The following STXBP5 variants were observed in gnomAD, a reference collection of about 807,000 sequenced individuals.
STXBP5 encodes the protein syntaxin binding protein 5.
A neutral mutation model predicts 152.4 loss-of-function variants in STXBP5; 50 were observed. The observed-to-expected ratio is 0.33, with a 90% CI of 0.26 to 0.42. The LOEUF is 0.42. STXBP5 is among the 10% of genes least tolerant of loss of function. STXBP5 has a pLI of 1.00. For synonymous variants in STXBP5, 492 were observed against 494.7 expected (o/e 0.99, Z 0.07); for missense variants, 1,167 against 1,388.6 (o/e 0.84, Z 2.54).
chr6:147,360,914 A>G (rs986148215), intron 23 of STXBP5, among the ~76,000 whole-genome samples: 2 of 152,074 alleles, frequency 1.3e-5, no homozygotes, highest in African/African-American at 4.8e-5. Context: ...CAGTTTTTGG[A>G]ATTTAGAAGT....
At chr6:147,216,779 C>A (rs577670044) in intron 2 of STXBP5, among the ~76,000 whole-genome samples, 1 of 151,850 alleles carries the variant, frequency 6.6e-6, no homozygotes, top group African/African-American at 2.4e-5. Context: ...GAGCATTCAC[C>A]CAGAAAGGTT....
intron 7 of STXBP5, among the ~76,000 whole-genome samples, chr6:147,277,087 G>C (rs1392612146): frequency 6.6e-6 from 1 of 151,994 alleles, no homozygotes; most frequent in Non-Finnish European, 1.5e-5. Context: ...TCTGTACTTT[G>C]AATAAAAAAC....
intron 21 of STXBP5, among the ~76,000 whole-genome samples, chr6:147,349,839 G>C (rs1237637420): frequency 3.3e-5 from 5 of 152,100 alleles, no homozygotes; most frequent in Non-Finnish European, 7.4e-5. Flanking sequence ...CTCATGGAAG[G>C]CCTTAACTCT....
At chr6:147,242,528 C>A (rs185720205) in intron 4 of STXBP5, among the ~76,000 whole-genome samples, 16 of 152,300 alleles carry the variant, frequency 1.1e-4, no homozygotes, top group South Asian at 4.1e-4. Flanking sequence ...AAGCTCCGTT[C>A]ATGATAACTG....
rs1496032 is a variant in STXBP5 at position 147,350,611 on chromosome 6, A to G, written c.2255-2712A>G. 0.016 allele frequency among the ~76,000 whole-genome samples: 2,485 copies of G among 152,202 alleles called. 225 individuals carry two copies. The East Asian group carries it at 0.29, about 18-fold the overall frequency. On this transcript the variant is annotated intron_variant, in intron 21 of 27. Coordinates refer to ENST00000321680, the MANE Select transcript of STXBP5 (RefSeq NM_001127715.4). ...ATTATAGTGGTGCATTGCATTCTAT[A>G]CTTTTGTGCTAAATTTTTTTTATGG...
Position 147,312,572 on chromosome 6 carries a change from A to T in STXBP5, c.1145+1045A>T, listed in dbSNP as rs762527635. Among the ~76,000 whole-genome samples, 28 of 152,084 alleles carry T rather than the reference A, an allele frequency of 1.8e-4. 1 individual carries two copies. Among genetic ancestry groups the T allele is most frequent in the Non-Finnish European group, 2.4e-4 (16 of 68,010 alleles). On this transcript the variant is annotated intron_variant, in intron 11 of 27. Coordinates refer to ENST00000321680, the MANE Select transcript of STXBP5 (RefSeq NM_001127715.4). ...GACTGGCATCTAGTGGGTAGAAGAC[A>T]GAGATGCTGCAAAACATCCACAGTG...
intron 26 of STXBP5, among the ~76,000 whole-genome samples, chr6:147,376,950 A>G (rs531708571): frequency 1.2e-4 from 19 of 152,322 alleles, no homozygotes; most frequent in African/African-American, 4.6e-4. Context: ...GTATAACTAT[A>G]TTAATATAAG....
chr6:147,312,353 G>A (rs552192160), intron 11 of STXBP5, among the ~76,000 whole-genome samples: 4 of 152,288 alleles, frequency 2.6e-5, no homozygotes, highest in Non-Finnish European at 4.4e-5. Flanking sequence ...TTGAATGGAA[G>A]CACATTGTAT....
At chr6:147,340,457 CTT>C (rs888161247) in intron 21 of STXBP5, among the ~76,000 whole-genome samples, 51 of 152,054 alleles carry the variant, frequency 3.4e-4, no homozygotes, top group African/African-American at 1.2e-3. Context: ...TTTAGTGACT[CTT>C]TTGGTAATAG....
intron 9 of STXBP5, among the ~76,000 whole-genome samples, chr6:147,305,460 G>A (rs1013280185): frequency 6.6e-6 from 1 of 151,924 alleles, no homozygotes; most frequent in Non-Finnish European, 1.5e-5. Context: ...AAAAAACTTA[G>A]TAGAAAAAGA....
At chr6:147,350,020 C>A (rs1328425615) in intron 21 of STXBP5, among the ~76,000 whole-genome samples, 1 of 152,050 alleles carries the variant, frequency 6.6e-6, no homozygotes, top group Non-Finnish European at 1.5e-5. Flanking sequence ...TTGCGGATAT[C>A]CACTTGCAAA....
chr6:147,248,783 A>G (rs1468245933), intron 4 of STXBP5, among the ~76,000 whole-genome samples: 1 of 152,196 alleles, frequency 6.6e-6, no homozygotes, highest in Non-Finnish European at 1.5e-5. Context: ...TGCCAGATGT[A>G]TTTCAGTTCC....
chr6:147,383,264 A>G (rs375441973), intron 27 of STXBP5, among the ~76,000 whole-genome samples: 2 of 152,122 alleles, frequency 1.3e-5, no homozygotes, highest in South Asian at 2.1e-4. Flanking sequence ...CAGCTTTGCA[A>G]CTGTTTCTTA....
chr6:147,302,255 A>G (rs1781858966), intron 9 of STXBP5, among the ~76,000 whole-genome samples: 1 of 152,082 alleles, frequency 6.6e-6, no homozygotes, highest in African/African-American at 2.4e-5. Flanking sequence ...AACTCCCAAC[A>G]CTGGTATTTT....
chr6:147,337,192 G>GACACACACACACACACACACACACACAC (rs61074711), intron 19 of STXBP5, among the ~76,000 whole-genome samples: 15 of 53,884 alleles, frequency 2.8e-4, no homozygotes, highest in African/African-American at 7.4e-4. Context: ...CACATACATA[G>GACACACACACACACACACACACACACAC]ACACACACAC....
rs746200697 is a variant in STXBP5, at chr6:147,382,844, T to C, written c.3260T>C (p.Ile1087Thr). ...LAQHIPGPGG[I>T]EGVKGAASGV... ...CAGCATATTCCTGGCCCTGGTGGCATTGAAGGCGTAAAAGGGGCAGCATCT... is the reference window on the plus strand; with the variant it reads ...CAGCATATTCCTGGCCCTGGTGGCACTGAAGGCGTAAAAGGGGCAGCATCT... The change falls in exon 27 of 28, where the codon ATT becomes ACT. Residue 1087 changes from isoleucine to threonine, a missense_variant. Around this residue, in one of 3 missense-constraint regions of STXBP5, gnomAD observed 833 missense variants for 986.3 expected, o/e 0.84. Coordinates refer to ENST00000321680, the MANE Select transcript of STXBP5 (RefSeq NM_001127715.4). The C allele has an allele frequency of 3.7e-6, 6 of 1,613,512 alleles. No homozygotes were observed. The highest frequency in any genetic ancestry group is 5.1e-6 in the Non-Finnish European group (6 of 1,179,646).
intron 26 of STXBP5, among the ~76,000 whole-genome samples, chr6:147,381,497 C>G (rs9497764): frequency 6.6e-6 from 1 of 152,180 alleles, no homozygotes; most frequent in Non-Finnish European, 1.5e-5. Flanking sequence ...ATTAAACATA[C>G]AGTTATCACA....
intron 16 of STXBP5, among the ~76,000 whole-genome samples, chr6:147,317,083 A>G (rs1001265213): frequency 6.6e-6 from 1 of 152,348 alleles, no homozygotes; most frequent in Non-Finnish European, 1.5e-5. Context: ...AATGACGGAA[A>G]GGTGGTTCTG....
At chr6:147,341,663 T>TTGTG (rs1784098302) in intron 21 of STXBP5, among the ~76,000 whole-genome samples, 1 of 151,812 alleles carries the variant, frequency 6.6e-6, no homozygotes, top group Admixed American at 6.6e-5. Flanking sequence ...TGGTGTCAGT[T>TTGTG]TGTGTGTGTG....
Sources: gnomAD v4.1 joint callset for allele counts (sites outside exome capture counted in the v4.1 genomes callset) on GRCh38, gnomAD v4.1.1 for gene constraint, gnomAD v4.1.1 regional missense constraint, MANE v1.5 for transcripts, NCBI Gene and HGNC (gene_info 2026-07-23, HGNC 2026-07-21) for gene names.